The following MAPK4 variants were observed in gnomAD, a reference collection of about 807,000 sequenced individuals.
MAPK4 encodes the protein Erk3-related.
In MAPK4, 22 loss-of-function variants were observed where a neutral mutation model predicts 47.7. That is an observed-to-expected ratio of 0.46 (90% CI 0.33 to 0.66). MAPK4 has a LOEUF of 0.66. Among genes scored for constraint, MAPK4 ranks in the 30% least tolerant of loss-of-function variants. The pLI is 0.02. For missense variants in MAPK4, 736 were observed against 831.7 expected (o/e 0.88, Z 1.42); for synonymous variants, 390 against 365.7 (o/e 1.07, Z -0.76).
chr18:50,616,831 A>G (rs754902094), intron 1 of MAPK4, among the ~76,000 whole-genome samples: 1 of 152,192 alleles, frequency 6.6e-6, no homozygotes. Context: ...AGATGGTGCC[A>G]CCCAGACTGA....
chr18:50,663,904 G>A lies in MAPK4; in HGVS notation c.-55G>A. The stretch of plus-strand genomic sequence containing the variant: ...GAGGGAGGCCGCTAGCCGAGACTTG[G>A]CCTTTCCTGACTGCCCCTGTGTTAC... On this transcript the variant is annotated 5_prime_UTR_variant, in exon 2 of 6. Coordinates refer to ENST00000400384, the MANE Select transcript of MAPK4 (RefSeq NM_002747.4). 6.6e-7 allele frequency: 1 copy of A among 1,509,212 alleles called. No homozygotes were observed. The highest frequency in any genetic ancestry group is 1.4e-5 in the African/African-American group (1 of 72,230). 93.5% of individuals were successfully genotyped at this position (1,509,212 alleles called of 1,614,324 possible). A position where few individuals can be genotyped will look rare whatever the true frequency, so the allele number is the denominator to read the frequency against.
At chr18:50,571,480 A>G (rs1019883086) in intron 1 of MAPK4, among the ~76,000 whole-genome samples, 24 of 152,256 alleles carry the variant, frequency 1.6e-4, no homozygotes, top group Non-Finnish European at 3.1e-4. Flanking sequence ...AGAAAGCCCT[A>G]CCAGCCATAA....
At chr18:50,722,276 T>C (rs980003369) in intron 4 of MAPK4, among the ~76,000 whole-genome samples, 177 bp downstream of exon 4, 1 of 152,276 alleles carries the variant, frequency 6.6e-6, no homozygotes, top group Non-Finnish European at 1.5e-5. Context: ...CTGTGGATGC[T>C]GGGCCTCAGG....
chr18:50,635,957 A>G (rs1482001191), intron 1 of MAPK4, among the ~76,000 whole-genome samples: 1 of 152,232 alleles, frequency 6.6e-6, no homozygotes, highest in African/African-American at 2.4e-5. Flanking sequence ...CCACATGGTC[A>G]CATGGTCTAA....
chr18:50,577,264 A>G (rs928151612), intron 1 of MAPK4, among the ~76,000 whole-genome samples: 1 of 152,024 alleles, frequency 6.6e-6, no homozygotes, highest in Admixed American at 6.6e-5. Context: ...CTGTTTGCAT[A>G]CACTCCCTAC....
At chr18:50,612,200 G>A (rs1441127849) in intron 1 of MAPK4, among the ~76,000 whole-genome samples, 1 of 152,136 alleles carries the variant, frequency 6.6e-6, no homozygotes, top group East Asian at 1.9e-4. Flanking sequence ...GCTGAATATT[G>A]TACAATTTCA....
chr18:50,674,641 C>T (rs910210971), intron 2 of MAPK4, among the ~76,000 whole-genome samples: 1 of 152,192 alleles, frequency 6.6e-6, no homozygotes, highest in African/African-American at 2.4e-5. Flanking sequence ...GCTCAAATGT[C>T]CCACCTCTGT....
intron 1 of MAPK4, among the ~76,000 whole-genome samples, chr18:50,580,796 C>T (rs563037571): frequency 1.3e-5 from 2 of 152,268 alleles, no homozygotes; most frequent in African/African-American, 2.4e-5. Flanking sequence ...TCGCCTCCTC[C>T]GATACTAGTA....
intron 2 of MAPK4, among the ~76,000 whole-genome samples, chr18:50,672,291 G>T (rs1907999615): frequency 6.6e-6 from 1 of 152,196 alleles, no homozygotes; most frequent in Non-Finnish European, 1.5e-5. Flanking sequence ...ACTTTCTGAG[G>T]GCTCAGCTAG....
intron 1 of MAPK4, among the ~76,000 whole-genome samples, chr18:50,568,999 T>A (rs2042227136): frequency 6.6e-6 from 1 of 152,232 alleles, no homozygotes; most frequent in Non-Finnish European, 1.5e-5. Flanking sequence ...GTAAGCATAA[T>A]TGTTTTACAT....
intron 1 of MAPK4, among the ~76,000 whole-genome samples, chr18:50,647,081 TG>T: frequency 6.6e-6 from 1 of 152,366 alleles, no homozygotes; most frequent in African/African-American, 2.4e-5. Flanking sequence ...CCTCATTGCC[TG>T]GTACATAGTG....
At chr18:50,723,954 A>C (rs915095667) in intron 4 of MAPK4, among the ~76,000 whole-genome samples, 2 of 151,168 alleles carry the variant, frequency 1.3e-5, no homozygotes, top group Admixed American at 6.6e-5. Context: ...GCTGTCAGGG[A>C]GAGGGAAGAG....
chr18:50,701,069 C>T (rs1217822594), intron 2 of MAPK4, among the ~76,000 whole-genome samples: 1 of 152,110 alleles, frequency 6.6e-6, no homozygotes, highest in African/African-American at 2.4e-5. Context: ...GATGATTTTC[C>T]TCCGCCTATT....
intron 1 of MAPK4, among the ~76,000 whole-genome samples, chr18:50,651,174 T>G (rs1168723535): frequency 1.3e-5 from 2 of 152,178 alleles, no homozygotes; most frequent in South Asian, 2.1e-4. Flanking sequence ...TTGAGGCTCT[T>G]GTTCTTTGTC....
At chr18:50,609,664 G>T (rs1336068984) in intron 1 of MAPK4, among the ~76,000 whole-genome samples, 1 of 152,074 alleles carries the variant, frequency 6.6e-6, no homozygotes, top group East Asian at 1.9e-4. Context: ...CCTATGATAG[G>T]TTCTGCTACC....
rs114024470 is a variant in MAPK4 at position 50,697,240 on chromosome 18, T to C, written c.547-17839T>C. 6.5e-3 allele frequency among the ~76,000 whole-genome samples: 992 copies of C among 152,268 alleles called. 11 individuals carry two copies. Among genetic ancestry groups the C allele is most frequent in the African/African-American group, 0.022 (924 of 41,550 alleles). ...AGTTTTCACACTTAACTAGCCACTC[T>C]CACCTTCTCTTTCCCAAGCCTGACT... On this transcript the variant is annotated intron_variant, in intron 2 of 5. Transcript: ENST00000400384.
At chr18:50,602,553 C>T (rs2042549738) in intron 1 of MAPK4, among the ~76,000 whole-genome samples, 1 of 152,204 alleles carries the variant, frequency 6.6e-6, no homozygotes, top group Non-Finnish European at 1.5e-5. Context: ...AACTGAACTC[C>T]AGTCCACAAG....
At chr18:50,707,194 T>C (rs1291305802) in intron 2 of MAPK4, among the ~76,000 whole-genome samples, 2 of 151,910 alleles carry the variant, frequency 1.3e-5, no homozygotes, top group Non-Finnish European at 2.9e-5. Context: ...GAAAGGAGCA[T>C]GGTGGTTGCC....
chr18:50,562,316 G>A (rs1422989262), intron 1 of MAPK4, among the ~76,000 whole-genome samples: 1 of 151,736 alleles, frequency 6.6e-6, no homozygotes, highest in Non-Finnish European at 1.5e-5. Flanking sequence ...CACTTTTGCT[G>A]CAGGTTAAAA....
Sources: gnomAD v4.1 joint callset for allele counts (sites outside exome capture counted in the v4.1 genomes callset) on GRCh38, gnomAD v4.1.1 for gene constraint, MANE v1.5 for transcripts, NCBI Gene and HGNC (gene_info 2026-07-23, HGNC 2026-07-21) for gene names.